The following RPS6KC1 variants were observed in gnomAD, a reference collection of about 807,000 sequenced individuals.
RPS6KC1 encodes the protein ribosomal protein S6 kinase C1.
A neutral mutation model predicts 103.8 loss-of-function variants in RPS6KC1; 54 were observed. That is an observed-to-expected ratio of 0.52 (90% CI 0.42 to 0.65). RPS6KC1 has a LOEUF of 0.65. Ranked by LOEUF, RPS6KC1 falls within the 30% of genes least tolerant of loss-of-function variation. RPS6KC1 has a pLI of 0.00. For missense variants in RPS6KC1, 1,151 were observed against 1,253.8 expected (o/e 0.92, Z 1.24); for synonymous variants, 439 against 438.7 (o/e 1.00, Z -0.01).
At chr1:213,588,421 C>T in the RPS6KC1 span, among the ~76,000 whole-genome samples, 3 of 151,822 alleles carry the variant, frequency 2.0e-5, no homozygotes, top group African/African-American at 7.3e-5. Flanking sequence ...GCCTCAGCCT[C>T]CTGAGTGGCT....
At chr1:213,410,129 G>A in the RPS6KC1 span, among the ~76,000 whole-genome samples, 1 of 152,196 alleles carries the variant, frequency 6.6e-6, no homozygotes, top group Admixed American at 6.5e-5. Context: ...CACTCCAGCT[G>A]GGCAACAGAG....
chr1:213,502,012 A>T, the RPS6KC1 span, among the ~76,000 whole-genome samples: 1 of 152,138 alleles, frequency 6.6e-6, no homozygotes, highest in Non-Finnish European at 1.5e-5. Context: ...TCATGGTTGC[A>T]TAATTGTTGC....
chr1:213,781,590 A>G, the RPS6KC1 span, among the ~76,000 whole-genome samples: 1 of 152,216 alleles, frequency 6.6e-6, no homozygotes, highest in South Asian at 2.1e-4. Context: ...GAGAATGGGA[A>G]GAAACTAATT....
At chr1:213,181,559 A>G (rs2092270131) in intron 8 of RPS6KC1, among the ~76,000 whole-genome samples, 1 of 152,246 alleles carries the variant, frequency 6.6e-6, no homozygotes, top group Non-Finnish European at 1.5e-5. Flanking sequence ...GTACCTAAGT[A>G]ATATCTTCTC....
At chr1:213,537,592 C>A in the RPS6KC1 span, among the ~76,000 whole-genome samples, 1 of 152,196 alleles carries the variant, frequency 6.6e-6, no homozygotes, top group South Asian at 2.1e-4. Context: ...TCCTTTTGTC[C>A]CCTCACCTAC....
intron 8 of RPS6KC1, among the ~76,000 whole-genome samples, chr1:213,192,210 G>A (rs1042852082): frequency 1.3e-5 from 2 of 152,130 alleles, no homozygotes; most frequent in Non-Finnish European, 2.9e-5. Context: ...TGCATATGTT[G>A]AATCATCCTT....
chr1:213,764,458 G>C, the RPS6KC1 span, among the ~76,000 whole-genome samples: 27 of 152,120 alleles, frequency 1.8e-4, no homozygotes, highest in Non-Finnish European at 3.8e-4. Flanking sequence ...GGTTGTCCCT[G>C]CTATCAGAGT....
chr1:213,599,508 A>G, the RPS6KC1 span, among the ~76,000 whole-genome samples: 1 of 151,572 alleles, frequency 6.6e-6, no homozygotes, highest in Non-Finnish European at 1.5e-5. Context: ...TTCTTTTTCC[A>G]TATTTCCAAA....
the RPS6KC1 span, among the ~76,000 whole-genome samples, chr1:213,643,089 A>G: frequency 1.3e-5 from 2 of 152,040 alleles, no homozygotes; most frequent in Admixed American, 6.6e-5. Flanking sequence ...ACCTAATTTA[A>G]TAACTAATGG....
chr1:213,764,225 A>G, the RPS6KC1 span, among the ~76,000 whole-genome samples: 1 of 152,248 alleles, frequency 6.6e-6, no homozygotes, highest in Non-Finnish European at 1.5e-5. Context: ...TTCTCCAGGA[A>G]ATGAAAACTT....
At chr1:213,749,495 C>T in the RPS6KC1 span, among the ~76,000 whole-genome samples, 1 of 152,156 alleles carries the variant, frequency 6.6e-6, no homozygotes, top group African/African-American at 2.4e-5. Context: ...ATGCCCTGGG[C>T]ATGCAGTGGG....
At chr1:213,438,442 A>G in the RPS6KC1 span, among the ~76,000 whole-genome samples, 8 of 152,286 alleles carry the variant, frequency 5.3e-5, no homozygotes, top group Admixed American at 6.5e-5. Context: ...TAATTAGAAA[A>G]GGGCAAATTA....
chr1:213,369,895 C>T, the RPS6KC1 span, among the ~76,000 whole-genome samples: 8 of 152,258 alleles, frequency 5.3e-5, no homozygotes, highest in African/African-American at 1.9e-4. Flanking sequence ...GCCCTCCTGG[C>T]TTTATAGGCA....
At chr1:213,421,405 G>T in the RPS6KC1 span, among the ~76,000 whole-genome samples, 2 of 152,330 alleles carry the variant, frequency 1.3e-5, no homozygotes, top group East Asian at 1.9e-4. Context: ...GAGCCACTGC[G>T]CCCGGCCCTC....
chr1:213,190,446 G>A (rs746275027), intron 8 of RPS6KC1, among the ~76,000 whole-genome samples: 4 of 152,012 alleles, frequency 2.6e-5, no homozygotes, highest in Non-Finnish European at 5.9e-5. Context: ...CCATTTTTAT[G>A]TCTTCTTTTT....
At chr1:213,685,747 A>T in the RPS6KC1 span, among the ~76,000 whole-genome samples, 2 of 152,202 alleles carry the variant, frequency 1.3e-5, no homozygotes, top group South Asian at 4.1e-4. Flanking sequence ...AATGCTAGTT[A>T]TTCCAATGTA....
At chr1:213,644,082 T>G in the RPS6KC1 span, among the ~76,000 whole-genome samples, 4 of 152,094 alleles carry the variant, frequency 2.6e-5, no homozygotes, top group Non-Finnish European at 5.9e-5. Context: ...CTTATAAGGC[T>G]TTTATCTGGT....
intron 8 of RPS6KC1, among the ~76,000 whole-genome samples, chr1:213,197,948 G>C (rs549953342): frequency 9.9e-5 from 15 of 152,062 alleles, no homozygotes; most frequent in African/African-American, 3.6e-4. Context: ...ATTTACAGTC[G>C]ATGTTAGTAT....
the RPS6KC1 span, among the ~76,000 whole-genome samples, chr1:213,421,211 A>G: frequency 1.3e-5 from 2 of 152,110 alleles, no homozygotes; most frequent in Admixed American, 1.3e-4. Flanking sequence ...TCCAGGGTTC[A>G]AGTGATTCTC....
Sources: allele counts gnomAD v4.1 joint callset (sites outside exome capture counted in the v4.1 genomes callset), GRCh38; gene constraint gnomAD v4.1.1; transcripts MANE v1.5; gene names NCBI Gene and HGNC (gene_info 2026-07-23, HGNC 2026-07-21).